IL1RAPL1: variants seen among roughly 807,000 people sequenced by gnomAD.
IL1RAPL1 encodes interleukin 1 receptor accessory protein like 1.
IL1RAPL1 carries 3 observed loss-of-function variants against 48.4 expected under a neutral mutation model. The observed-to-expected ratio is 0.06, with a 90% CI of 0.03 to 0.16. The LOEUF is 0.16. IL1RAPL1 is among the 10% of genes least tolerant of loss of function. The pLI, the probability that IL1RAPL1 is intolerant of heterozygous loss-of-function variation, is 1.00. For missense variants in IL1RAPL1, 349 were observed against 530.6 expected (o/e 0.66, Z 3.36); for synonymous variants, 185 against 187.7 (o/e 0.99, Z 0.12).
intron 6 of IL1RAPL1, among the ~76,000 whole-genome samples, chrX:29,766,327 CAAAAA>C (rs1220003136): frequency 1.4e-3 from 36 of 25,612 alleles, no homozygotes; most frequent in African/African-American, 7.4e-3. Context: ...GACTCCGTCT[CAAAAA>C]AAAAAAAAAA....
At chrX:29,069,938 C>T (rs1421352120) in intron 2 of IL1RAPL1, among the ~76,000 whole-genome samples, 1 of 111,109 alleles carries the variant, frequency 9.0e-6, no homozygotes, top group African/African-American at 3.3e-5. Context: ...GATAATAGCT[C>T]TTACATTGCT....
chrX:28,887,983 T>C (rs916384392), intron 2 of IL1RAPL1, among the ~76,000 whole-genome samples: 1 of 111,875 alleles, frequency 8.9e-6, no homozygotes, highest in Non-Finnish European at 1.9e-5. Flanking sequence ...TCAGCTTTTC[T>C]ATTGCCTTTG....
intron 2 of IL1RAPL1, among the ~76,000 whole-genome samples, chrX:28,929,341 G>A (rs1923822841): frequency 8.9e-6 from 1 of 111,986 alleles, no homozygotes; most frequent in Non-Finnish European, 1.9e-5. Context: ...TATGTGGCCT[G>A]TTATTGACAG....
At chrX:28,914,383 C>A (rs1336662128) in intron 2 of IL1RAPL1, among the ~76,000 whole-genome samples, 1 of 111,550 alleles carries the variant, frequency 9.0e-6, no homozygotes, top group Non-Finnish European at 1.9e-5. Flanking sequence ...TAGCCATCTA[C>A]CATTGAATAA....
chrX:29,870,373 C>T (rs1931775981), intron 6 of IL1RAPL1, among the ~76,000 whole-genome samples: 1 of 111,961 alleles, frequency 8.9e-6, no homozygotes. Flanking sequence ...ACAGCAGTGG[C>T]ACTTCCCATT....
At chrX:29,506,438 T>TCTCCTCCTCCTCCTC (rs562607187) in intron 5 of IL1RAPL1, among the ~76,000 whole-genome samples, 39 of 90,638 alleles carry the variant, frequency 4.3e-4, no homozygotes, top group South Asian at 1.9e-3. Flanking sequence ...TCCTTCTCCT[T>TCTCCTCCTCCTCCTC]CTCCTCCTCC....
At chrX:29,070,489 C>G (rs1927543522) in intron 2 of IL1RAPL1, among the ~76,000 whole-genome samples, 1 of 111,577 alleles carries the variant, frequency 9.0e-6, no homozygotes, top group African/African-American at 3.3e-5. Flanking sequence ...GGATGGACAT[C>G]AATTGTCTTT....
chrX:29,023,591 CTT>C (rs896004177), intron 2 of IL1RAPL1, among the ~76,000 whole-genome samples: 5 of 112,407 alleles, frequency 4.4e-5, no homozygotes, highest in Non-Finnish European at 9.4e-5. Context: ...TCTTTAGAAA[CTT>C]TAAATAGTTA....
At chrX:29,325,925 C>T (rs896248770) in intron 3 of IL1RAPL1, among the ~76,000 whole-genome samples, 1 of 110,921 alleles carries the variant, frequency 9.0e-6, no homozygotes, top group African/African-American at 3.3e-5. Flanking sequence ...ACAACCAGAT[C>T]TCACATGAAC....
At chrX:28,860,181 C>T (rs916376467) in intron 2 of IL1RAPL1, among the ~76,000 whole-genome samples, 36 of 111,454 alleles carry the variant, frequency 3.2e-4, no homozygotes, top group Non-Finnish European at 5.6e-4. Context: ...ATAATTCAAA[C>T]TATTAATATC....
At chrX:29,765,608 A>G (rs1334581631) in intron 6 of IL1RAPL1, among the ~76,000 whole-genome samples, 1 of 112,040 alleles carries the variant, frequency 8.9e-6, no homozygotes. Context: ...ATCCTTCTGA[A>G]TGGGCTTAGC....
chrX:28,716,966 C>A (rs1935510863), intron 1 of IL1RAPL1, among the ~76,000 whole-genome samples: 1 of 111,867 alleles, frequency 8.9e-6, no homozygotes, highest in South Asian at 3.8e-4. Context: ...GATACCATCT[C>A]ACACCAGTCA....
intron 2 of IL1RAPL1, among the ~76,000 whole-genome samples, chrX:29,128,804 A>G (rs1453695464): frequency 9.0e-6 from 1 of 111,194 alleles, no homozygotes; most frequent in African/African-American, 3.3e-5. Context: ...AATGTCATGC[A>G]TTTTAATAAA....
intron 8 of IL1RAPL1, among the ~76,000 whole-genome samples, chrX:29,935,408 A>G (rs1037562464): frequency 1.8e-5 from 2 of 111,265 alleles, no homozygotes; most frequent in Admixed American, 9.6e-5. Flanking sequence ...TTTCATATTT[A>G]CCGGTTGACA....
At position 29,003,349 on chromosome X, in the gene IL1RAPL1, C is replaced by A. The variant is rs767881163; in HGVS notation, c.82+213924C>A. Among the ~76,000 whole-genome samples, 16 of 111,712 alleles carry A rather than the reference C, an allele frequency of 1.4e-4. No homozygotes were observed. In the South Asian group the frequency reaches 5.9e-3, roughly 41 times the overall value. On this transcript the variant is annotated intron_variant, in intron 2 of 10. Transcript: ENST00000378993. ...CAGATTTTAATGAGGGGAGGGACAT[C>A]AGGTGCCAAGTACCTACAAACATTT...
chrX:29,322,490 C>A (rs1932810884), intron 3 of IL1RAPL1, among the ~76,000 whole-genome samples: 1 of 111,610 alleles, frequency 9.0e-6, no homozygotes, highest in South Asian at 3.7e-4. Flanking sequence ...GTCTTGAACT[C>A]CCGAGCTCAG....
chrX:28,814,407 T>TA (rs1187458131), intron 2 of IL1RAPL1, among the ~76,000 whole-genome samples: 1 of 106,758 alleles, frequency 9.4e-6, no homozygotes, highest in African/African-American at 3.4e-5. Flanking sequence ...GTGTAGTTTT[T>TA]AAAAAACTGA....
intron 2 of IL1RAPL1, among the ~76,000 whole-genome samples, chrX:29,174,935 G>A (rs1054130597): frequency 1.1e-4 from 12 of 109,890 alleles, no homozygotes; most frequent in Middle Eastern, 4.7e-3. Flanking sequence ...TTAGCCGGGC[G>A]TGGTGGCGGG....
At chrX:29,449,780 C>CACACACACACACACAGAGAG (rs557765024) in intron 5 of IL1RAPL1, among the ~76,000 whole-genome samples, 2 of 58,247 alleles carry the variant, frequency 3.4e-5, no homozygotes, top group African/African-American at 7.4e-5. Context: ...CACACACACA[C>CACACACACACACACAGAGAG]AGAGAGAGAG....
Sources: allele counts gnomAD v4.1 joint callset (sites outside exome capture counted in the v4.1 genomes callset), GRCh38; gene constraint gnomAD v4.1.1; transcripts MANE v1.5; gene names NCBI Gene and HGNC (gene_info 2026-07-23, HGNC 2026-07-21).